The following ZFHX3 variants were observed in gnomAD, a reference collection of about 807,000 sequenced individuals.
ZFHX3 encodes the protein zinc finger homeobox protein 3.
ZFHX3 carries 42 observed loss-of-function variants against 279.1 expected under a neutral mutation model. The ratio of observed to expected loss-of-function variants is 0.15; its 90% CI spans 0.12 to 0.19. The LOEUF is 0.19. ZFHX3 is among the 10% of genes least tolerant of loss of function. The pLI is 1.00. For synonymous variants in ZFHX3, 2,293 were observed against 1,957.8 expected (o/e 1.17, Z -4.52); for missense variants, 4,981 against 4,754.0 (o/e 1.05, Z -1.40).
At chr16:72,885,053 A>T (rs1026386986) in intron 4 of ZFHX3, among the ~76,000 whole-genome samples, 3 of 152,232 alleles carry the variant, frequency 2.0e-5, no homozygotes, top group African/African-American at 7.2e-5. Flanking sequence ...ACTGTCTTTG[A>T]GAGATGTATT....
chr16:73,353,558 C>T (rs942281308), intron 3 of ZFHX3, among the ~76,000 whole-genome samples: 8 of 152,286 alleles, frequency 5.3e-5, no homozygotes, highest in South Asian at 4.1e-4. Context: ...TCTGAGGAAA[C>T]GAAGGCACAG....
chr16:73,877,004 G>A (rs1235034899), intron 1 of ZFHX3, among the ~76,000 whole-genome samples: 2 of 150,456 alleles, frequency 1.3e-5, no homozygotes, highest in Admixed American at 6.6e-5. Context: ...TGCTAAATAC[G>A]AGCCCTGGTA....
chr16:73,714,571 G>A (rs2053396175), intron 1 of ZFHX3, among the ~76,000 whole-genome samples: 1 of 152,124 alleles, frequency 6.6e-6, no homozygotes, highest in Admixed American at 6.5e-5. Flanking sequence ...CTTCCTGCCT[G>A]GGTATTCAAA....
intron 3 of ZFHX3, among the ~76,000 whole-genome samples, chr16:73,444,841 C>T (rs542354988): frequency 3.1e-4 from 47 of 150,794 alleles, no homozygotes; most frequent in African/African-American, 9.2e-4. Flanking sequence ...TATTCATGGC[C>T]GGGTGCGGTG....
intron 3 of ZFHX3, among the ~76,000 whole-genome samples, chr16:73,368,679 T>TA (rs2016571737): frequency 6.6e-6 from 1 of 152,254 alleles, no homozygotes; most frequent in Non-Finnish European, 1.5e-5. Context: ...GATCCTTAAG[T>TA]AAGGTACCAT....
At chr16:72,870,124 CA>C (rs2038118643) in intron 4 of ZFHX3, among the ~76,000 whole-genome samples, 1 of 152,142 alleles carries the variant, frequency 6.6e-6, no homozygotes, top group African/African-American at 2.4e-5. Context: ...GAATATGGGC[CA>C]GGTGAGATGT....
intron 2 of ZFHX3, among the ~76,000 whole-genome samples, chr16:73,511,299 C>T (rs879749735): frequency 1.3e-5 from 2 of 152,300 alleles, no homozygotes; most frequent in East Asian, 3.9e-4. Flanking sequence ...GTCTCTTTCC[C>T]ACCATGACCT....
At chr16:72,993,003 G>A (rs952237316) in intron 1 of ZFHX3, among the ~76,000 whole-genome samples, 1 of 152,232 alleles carries the variant, frequency 6.6e-6, no homozygotes, top group Non-Finnish European at 1.5e-5. Flanking sequence ...CGGGCATGGC[G>A]CTAGGCGCCT....
intron 2 of ZFHX3, among the ~76,000 whole-genome samples, chr16:73,562,466 T>G (rs561459547): frequency 4.1e-4 from 62 of 151,902 alleles, no homozygotes; most frequent in East Asian, 1.6e-3. Context: ...CGTGGTAGCG[T>G]GCGCCTGTAA....
Position 73,170,223 on chromosome 16 carries a change from G to GTTTTTTTTTT in ZFHX3, c.-1103-26402_-1103-26393dup, listed in dbSNP as rs1156523996. Among the ~76,000 whole-genome samples the GTTTTTTTTTT allele has an allele frequency of 9.8e-3, 563 of 57,738 alleles. 150 individuals carry two copies. The highest frequency in any genetic ancestry group is 0.036 in the African/African-American group (500 of 13,724). 37.9% of individuals were successfully genotyped at this position (57,738 alleles called of 152,430 possible). Reference sequence around the variant, plus strand: ...TTTTTGAAGCATCTTCCTTTCACTAGTTTTTTTTTTTTTTTTTTTTTTTTT... The same window carrying GTTTTTTTTTT: ...TTTTTGAAGCATCTTCCTTTCACTAGTTTTTTTTTTTTTTTTTTTTTTTTTTTTTTTTTTT... On this transcript the variant is annotated intron_variant, in intron 5 of 17. Coordinates refer to the ZFHX3 transcript ENST00000641206.
At chr16:73,728,444 C>CAGAT (rs1278864040) in intron 1 of ZFHX3, among the ~76,000 whole-genome samples, 1 of 152,156 alleles carries the variant, frequency 6.6e-6, no homozygotes, top group African/African-American at 2.4e-5. Context: ...TTAGATAGCC[C>CAGAT]AGATAGAGAA....
chr16:73,682,970 G>GAA (rs546096462), intron 1 of ZFHX3, among the ~76,000 whole-genome samples: 1 of 27,002 alleles, frequency 3.7e-5, no homozygotes, highest in African/African-American at 1.2e-4. Flanking sequence ...AAGAAAGAAA[G>GAA]AAAGAAAGAA....
chr16:73,762,893 G>T (rs2053886805), intron 1 of ZFHX3, among the ~76,000 whole-genome samples: 1 of 152,106 alleles, frequency 6.6e-6, no homozygotes, highest in Non-Finnish European at 1.5e-5. Flanking sequence ...ATACCTAGGT[G>T]ATGGGTTGAT....
At position 73,789,126 on chromosome 16, in the gene ZFHX3, A is replaced by G. The variant is rs548923206; in HGVS notation, c.-1608+102525T>C. 5.3e-5 allele frequency among the ~76,000 whole-genome samples: 8 copies of G among 151,540 alleles called. No individual in the cohort carries two copies. In the South Asian group the frequency reaches 6.2e-4, roughly 12 times the overall value. ...TATCTTGTAGATATATATGATATCT[A>G]TATGATAGATATCTATCATATAGGT... On this transcript the variant is annotated intron_variant, in intron 1 of 17. Transcript: ENST00000641206.
intron 3 of ZFHX3, among the ~76,000 whole-genome samples, chr16:73,339,091 A>G (rs550703119): frequency 1.3e-5 from 2 of 152,138 alleles, no homozygotes; most frequent in Non-Finnish European, 2.9e-5. Flanking sequence ...TTTTCTTTTA[A>G]ACTACCCAGT....
intron 2 of ZFHX3, among the ~76,000 whole-genome samples, chr16:73,585,390 T>C (rs1356665314): frequency 1.3e-5 from 2 of 152,164 alleles, no homozygotes; most frequent in Admixed American, 6.5e-5. Flanking sequence ...CCCTCTGGCC[T>C]GCCAACAGAG....
chr16:73,873,585 A>C (rs571199463), intron 1 of ZFHX3, among the ~76,000 whole-genome samples: 1 of 152,044 alleles, frequency 6.6e-6, no homozygotes, highest in Non-Finnish European at 1.5e-5. Context: ...GAAAAAAAAC[A>C]TATTTACCTT....
chr16:72,937,365 T>C (rs1009234514), intron 3 of ZFHX3, among the ~76,000 whole-genome samples: 8 of 152,038 alleles, frequency 5.3e-5, no homozygotes, highest in African/African-American at 1.2e-4. Flanking sequence ...CCAACAGAGA[T>C]AGACAAAGGG....
Position 72,795,473 on chromosome 16 carries a change from G to A in ZFHX3, c.7209C>T (p.Ser2403=), listed in dbSNP as rs1164657422. 2 of 1,614,172 alleles carry A rather than the reference G, an allele frequency of 1.2e-6. No homozygotes were observed. Among genetic ancestry groups the A allele is most frequent in the East Asian group, 2.2e-5 (1 of 44,872 alleles). The change falls in exon 9 of 10, where the codon TCC becomes TCT. Residue 2403 remains serine, a synonymous_variant. Transcript: ENST00000268489. ...APAPSANNTA[S]SAFLQLTAEA... is the part of the protein sequence containing the mutation. ...CCGCTGTAAGCTGCAAGAAAGCGGA[G>A]GAAGCTGTATTATTGGCTGATGGTG...
Sources: allele counts gnomAD v4.1 joint callset (sites outside exome capture counted in the v4.1 genomes callset), GRCh38; gene constraint gnomAD v4.1.1; transcripts MANE v1.5; gene names NCBI Gene and HGNC (gene_info 2026-07-23, HGNC 2026-07-21).